TMEM63A: variants seen among roughly 807,000 people sequenced by gnomAD.
The protein encoded by TMEM63A is transmembrane protein 63A.
Under a neutral mutation model 100.6 loss-of-function variants are expected in TMEM63A, and 76 were observed. The observed-to-expected ratio is 0.76, with a 90% CI of 0.63 to 0.91. TMEM63A has a LOEUF of 0.91. Among genes scored for constraint, TMEM63A ranks in the 40% least tolerant of loss-of-function variants. TMEM63A has a pLI of 0.00. For synonymous variants in TMEM63A, 401 were observed against 401.1 expected (o/e 1.00, Z 0.00); for missense variants, 876 against 1,008.8 (o/e 0.87, Z 1.78).
chr1:225,854,733 G>A (rs1014825555), intron 18 of TMEM63A, among the ~76,000 whole-genome samples: 26 of 152,152 alleles, frequency 1.7e-4, no homozygotes, highest in Admixed American at 5.2e-4. Context: ...GTCCGCATAA[G>A]TTAATTCAGG....
At position 225,862,757 on chromosome 1, in the gene TMEM63A, C is replaced by T. The variant is rs980683390; in HGVS notation, c.827+14G>A. On this transcript the variant is annotated intron_variant, in intron 11 of 24. Coordinates refer to ENST00000366835, the MANE Select transcript of TMEM63A (RefSeq NM_014698.3). This position sits in a 1 kb window ranked among gnomAD's most constrained non-coding sequence, Gnocchi z 5.1. The stretch of plus-strand genomic sequence containing the variant: ...GAAGGAGGGGGCATCTTGCAAGGCC[C>T]GCCCACCACTCACTTCTCCTTGCAC... 3.7e-6 allele frequency: 6 copies of T among 1,613,794 alleles called. No homozygotes were observed. The highest frequency in any genetic ancestry group is 2.7e-5 in the African/African-American group (2 of 74,840).
At chr1:225,841,397 C>T (rs1668399549), downstream of TMEM63A, among the ~76,000 whole-genome samples, 1 of 151,920 alleles carries the variant, frequency 6.6e-6, no homozygotes, top group Admixed American at 6.6e-5. Flanking sequence ...ATTCTCCTGC[C>T]TCAGCCTCCC....
In TMEM63A at chr1:225,867,737, T is replaced by A; in HGVS notation, c.514+151A>T. ...GCCTAGGTTTGCTCCAGATCTTTAATCAGATAGAAATGTTCAGAGTCACCC... is the reference window on the plus strand; with the variant it reads ...GCCTAGGTTTGCTCCAGATCTTTAAACAGATAGAAATGTTCAGAGTCACCC... On this transcript the variant is annotated intron_variant, in intron 7 of 24. Transcript: ENST00000366835. The surrounding 1 kb of genome is among the most constrained non-coding windows in gnomAD (Gnocchi z 4.6). 1 of 1,107,620 alleles carries A rather than the reference T, an allele frequency of 9.0e-7. No homozygotes were observed. Among genetic ancestry groups the A allele is most frequent in the Non-Finnish European group, 1.3e-6 (1 of 799,962 alleles). 68.6% of individuals were successfully genotyped at this position (1,107,620 alleles called of 1,614,324 possible). A position where few individuals can be genotyped will look rare whatever the true frequency, so the allele number is the denominator to read the frequency against.
Position 225,867,158 on chromosome 1 carries a change from C to G in TMEM63A, c.520G>C (p.Asp174His). 6.2e-7 allele frequency: 1 copy of G among 1,614,148 alleles called. No homozygotes were observed. The highest frequency in any genetic ancestry group is 8.5e-7 in the Non-Finnish European group (1 of 1,180,020). The change falls in exon 8 of 25, where the codon GAC becomes CAC. Residue 174 changes from aspartate to histidine, a missense_variant. Physicochemically the swap from Asp to His is moderately conservative, Grantham distance 81. Transcript: ENST00000366835. This position sits in a 1 kb window ranked among gnomAD's most constrained non-coding sequence, Gnocchi z 4.6. ...GTTGTCCTCCCAAAACTATACGGGT[C>G]TTTGTCTGCAGAGAAGCACAGATAC... ...VNLSGDLLDK[D>H]PYSFGRTTIA...
intron 23 of TMEM63A, 94 bp downstream of exon 23, chr1:225,848,397 TG>T: frequency 2.3e-6 from 3 of 1,304,510 alleles, no homozygotes; most frequent in Non-Finnish European, 2.2e-6. Context: ...TAGCAAGAGA[TG>T]ATCAAAGATT....
At chr1:225,860,214 G>A (rs180978785) in intron 14 of TMEM63A, 3 of 152,754 alleles carry the variant, frequency 2.0e-5, no homozygotes, top group East Asian at 3.9e-4. Flanking sequence ...TCTGTGCAAG[G>A]AGCTGAGGCA....
chr1:225,871,807 C>A, intron 5 of TMEM63A, 180 bp downstream of exon 5: 2 of 586,260 alleles, frequency 3.4e-6, no homozygotes, highest in Non-Finnish European at 6.1e-6. Context: ...GTCTCAAGGT[C>A]CCGGGTCATC....
intron 22 of TMEM63A, 128 bp from the exon 23 acceptor site, chr1:225,848,682 C>CGA (rs796420857): frequency 9.4e-7 from 1 of 1,066,476 alleles, no homozygotes; most frequent in African/African-American, 1.6e-5. Context: ...CCCAGCAGCC[C>CGA]GAGAGAGGAT....
At position 225,845,779 on chromosome 1, in the gene TMEM63A, C is replaced by T. The variant is rs531941796; in HGVS notation, c.*1160G>A. On this transcript the variant is annotated 3_prime_UTR_variant, in exon 25 of 25. Coordinates refer to ENST00000366835, the MANE Select transcript of TMEM63A (RefSeq NM_014698.3). Reference sequence around the variant, plus strand: ...GCAGAGGCAGCACTGGCCACCACTGCGGGGGCAAGTCAGCGTCAAGAGAGT... The same window carrying T: ...GCAGAGGCAGCACTGGCCACCACTGTGGGGGCAAGTCAGCGTCAAGAGAGT... 4.0e-5 allele frequency: 11 copies of T among 276,490 alleles called. No individual in the cohort carries two copies. Among genetic ancestry groups the T allele is most frequent in the Non-Finnish European group, 6.3e-5 (9 of 143,378 alleles). 17.1% of individuals were successfully genotyped at this position (276,490 alleles called of 1,614,324 possible).
In TMEM63A at chr1:225,867,070, A is replaced by T; in HGVS notation, c.566+42T>A. ...GGGCTCCTGACCTGCCTTCTCCTTG[A>T]TCTCACCCATCAGCACCTATCCCCA... is the stretch of plus-strand genomic sequence containing the variant. On this transcript the variant is annotated intron_variant, in intron 8 of 24. Coordinates refer to ENST00000366835, the MANE Select transcript of TMEM63A (RefSeq NM_014698.3). This position sits in a 1 kb window ranked among gnomAD's most constrained non-coding sequence, Gnocchi z 4.6. 1 of 1,611,442 alleles carries T rather than the reference A, an allele frequency of 6.2e-7. No individual in the cohort carries two copies. The highest frequency in any genetic ancestry group is 1.1e-5 in the South Asian group (1 of 91,014).
Position 225,848,998 on chromosome 1 carries a change from C to CG in TMEM63A, c.2085dup (p.Ala696ArgfsTer41), listed in dbSNP as rs747714894. 16 of 1,313,790 alleles carry CG rather than the reference C, an allele frequency of 1.2e-5. No homozygotes were observed. Among genetic ancestry groups the CG allele is most frequent in the Non-Finnish European group, 1.6e-5 (16 of 991,832 alleles). 81.4% of individuals were successfully genotyped at this position (1,313,790 alleles called of 1,614,324 possible). A position where few individuals can be genotyped will look rare whatever the true frequency, so the allele number is the denominator to read the frequency against. On this transcript the variant is annotated frameshift_variant, in exon 22 of 25. Transcript: ENST00000366835. LOFTEE classifies it high-confidence loss of function. ...AGCACCAGGAAGGTGAACAGAGTGG[C>CG]GGGGGCCTTCATACCTGGTGATAGA...
chr1:225,853,862 G>C lies in TMEM63A; in HGVS notation c.1635-71C>G, dbSNP rs1407523970. 21 of 1,450,968 alleles carry C rather than the reference G, an allele frequency of 1.4e-5. No individual in the cohort carries two copies. Among genetic ancestry groups the C allele is most frequent in the Non-Finnish European group, 1.9e-5 (21 of 1,094,208 alleles). The allele number at this position is 1,450,968 out of a possible 1,614,324, so 89.9% of individuals were successfully genotyped here. A position where few individuals can be genotyped will look rare whatever the true frequency, so the allele number is the denominator to read the frequency against. Reference sequence around the variant, plus strand: ...GAGGGAGAGGAGGGGCCCCTAGGCTGGGCAGGAGCAGAAAGCCCCTGGGAG... The same window carrying C: ...GAGGGAGAGGAGGGGCCCCTAGGCTCGGCAGGAGCAGAAAGCCCCTGGGAG... On this transcript the variant is annotated intron_variant, in intron 18 of 24. Transcript: ENST00000366835. The surrounding 1 kb of genome is among the most constrained non-coding windows in gnomAD (Gnocchi z 4.0).
At position 225,865,943 on chromosome 1, in the gene TMEM63A, C is replaced by T. The variant is rs758128174; in HGVS notation, c.700G>A (p.Gly234Arg). Residue 234 changes from glycine (G) to arginine (R), a missense_variant, in exon 10 of 25, where the codon GGA (glycine) becomes AGA (arginine). By Grantham distance (125) the Gly-to-Arg change is moderately radical (BLOSUM62 -2). This residue lies in a region of TMEM63A where 487 missense variants were observed against 581.9 expected (regional missense o/e 0.84). Transcript: ENST00000366835. This position sits in a 1 kb window ranked among gnomAD's most constrained non-coding sequence, Gnocchi z 4.6. ...TCCTTCCTGGCATCTCTGGGGAGTC[C>T]TGTGATGAACAGGGTCCGCCTCACC... The part of the protein sequence containing the change: ...NLVRRTLFIT[G>R]LPRDARKETV... The T allele has an allele frequency of 6.2e-7, 1 of 1,613,962 alleles. No individual in the cohort carries two copies. The highest frequency in any genetic ancestry group is 8.5e-7 in the Non-Finnish European group (1 of 1,179,928).
At chr1:225,860,066 G>A (rs1390798717) in intron 14 of TMEM63A, 1 of 153,020 alleles carries the variant, frequency 6.5e-6, no homozygotes, top group South Asian at 2.1e-4. Flanking sequence ...TGAAGGCATA[G>A]CTTGCACCTG....
intron 21 of TMEM63A, among the ~76,000 whole-genome samples, chr1:225,849,615 A>T (rs1669222038): frequency 6.6e-6 from 1 of 152,196 alleles, no homozygotes; most frequent in Non-Finnish European, 1.5e-5. Flanking sequence ...CACTCGGGCT[A>T]GCTTAGGAGC....
intron 1 of TMEM63A, among the ~76,000 whole-genome samples, chr1:225,881,481 G>T (rs369795606): frequency 6.6e-6 from 1 of 152,224 alleles, no homozygotes; most frequent in East Asian, 1.9e-4. Context: ...TTCTCTGTTA[G>T]AGCCCAACGA....
Position 225,867,287 on chromosome 1 carries a change from A to G in TMEM63A, c.515-124T>C. On this transcript the variant is annotated intron_variant, in intron 7 of 24. Coordinates refer to ENST00000366835, the MANE Select transcript of TMEM63A (RefSeq NM_014698.3). This position sits in a 1 kb window ranked among gnomAD's most constrained non-coding sequence, Gnocchi z 4.6. ...GCATGTCTGGACCAGCAGGAAGACA[A>G]CGTCTGACTGGTCTTTCCAGAGCTA... 1 of 977,098 alleles carries G rather than the reference A, an allele frequency of 1.0e-6. No homozygotes were observed. The highest frequency in any genetic ancestry group is 1.6e-6 in the Non-Finnish European group (1 of 606,708). The allele number at this position is 977,098 out of a possible 1,614,324, so 60.5% of individuals were successfully genotyped here.
chr1:225,870,934 A>C (rs886708760), intron 6 of TMEM63A, 142 bp downstream of exon 6: 5 of 819,760 alleles, frequency 6.1e-6, no homozygotes, highest in Non-Finnish European at 7.7e-6. Context: ...CAGCCCTCAC[A>C]TACTGCTTTG....
At chr1:225,847,498 A>G (rs1317503396) in intron 23 of TMEM63A, 1 of 326,030 alleles carries the variant, frequency 3.1e-6, no homozygotes, top group African/African-American at 2.1e-5. Flanking sequence ...CCTGGATCCT[A>G]GGAGGATTTC....
Sources: allele counts gnomAD v4.1 joint callset (sites outside exome capture counted in the v4.1 genomes callset), GRCh38; gene constraint gnomAD v4.1.1; regional missense constraint gnomAD v4.1.1; non-coding constraint Gnocchi (gnomAD v3.1); transcripts MANE v1.5; gene names NCBI Gene and HGNC (gene_info 2026-07-23, HGNC 2026-07-21).